CEP85: variants seen among roughly 807,000 people sequenced by gnomAD.
CEP85 encodes the protein centrosomal protein 85.
Under a neutral mutation model 93.7 loss-of-function variants are expected in CEP85, and 58 were observed. The ratio of observed to expected loss-of-function variants is 0.62; its 90% CI spans 0.50 to 0.77. The LOEUF is 0.77. CEP85 is among the 30% of genes least tolerant of loss of function. The probability of loss-of-function intolerance (pLI) is 0.00; values close to 1 mark genes in which losing one functional copy is unlikely to be tolerated. For missense variants in CEP85, 868 were observed against 922.0 expected, an observed-to-expected ratio of 0.94 and a Z score of 0.76; for synonymous variants, 314 against 338.6, an observed-to-expected ratio of 0.93 and a Z score of 0.80.
rs71581048 is a variant in CEP85 at position 26,250,925 on chromosome 1, C to CTTTTTTTTTT, written c.209-4240_209-4239insTTTTTTTTTT. On this transcript the variant is annotated intron_variant, in intron 3 of 13. Transcript: ENST00000451429. ...TGAGCCAAGCTTGCCTTTTTTTTTT[C>CTTTTTTTTTT]TTTTTTCTTTTTTTTTTTTTTTTTT... 6.1e-3 allele frequency among the ~76,000 whole-genome samples: 336 copies of CTTTTTTTTTT among 55,058 alleles called. 34 individuals are homozygous for CTTTTTTTTTT. The highest frequency in any genetic ancestry group is 0.033 in the East Asian group (56 of 1,708). 36.1% of individuals were successfully genotyped at this position (55,058 alleles called of 152,430 possible).
intron 11 of CEP85, 36 bp downstream of exon 11, chr1:26,272,107 TTAA>T (rs994039063): frequency 1.3e-6 from 2 of 1,594,850 alleles, no homozygotes; most frequent in Non-Finnish European, 1.7e-6. Context: ...TGGGCAGAAC[TTAA>T]TGATGGAATC....
chr1:26,238,763 A>G (rs1346815501), intron 1 of CEP85, among the ~76,000 whole-genome samples: 2 of 152,242 alleles, frequency 1.3e-5, no homozygotes, highest in Admixed American at 6.5e-5. Context: ...TAATAAATTG[A>G]TAACTTAATG....
At chr1:26,260,671 A>G (rs1478931622) in intron 7 of CEP85, among the ~76,000 whole-genome samples, 1 of 152,190 alleles carries the variant, frequency 6.6e-6, no homozygotes, top group Non-Finnish European at 1.5e-5. Context: ...TTAAAGTTCT[A>G]GACCACTTAA....
At chr1:26,268,148 C>A (rs1295388494) in intron 7 of CEP85, among the ~76,000 whole-genome samples, 2 of 152,194 alleles carry the variant, frequency 1.3e-5, no homozygotes, top group African/African-American at 4.8e-5. Flanking sequence ...TTCACAGCCT[C>A]AAGGGTTGCT....
intron 5 of CEP85, 140 bp downstream of exon 5, chr1:26,257,870 A>C (rs1315738186): frequency 1.1e-6 from 1 of 944,904 alleles, no homozygotes; most frequent in South Asian, 1.6e-5. Context: ...TAGTTTGATA[A>C]GCAGCCTAGT....
intron 11 of CEP85, among the ~76,000 whole-genome samples, chr1:26,273,543 G>A (rs2090008564): frequency 1.3e-5 from 2 of 152,260 alleles, no homozygotes; most frequent in South Asian, 4.1e-4. Flanking sequence ...GCAAAGTTTG[G>A]AAAAGCCTGA....
intron 8 of CEP85, 34 bp from the exon 9 acceptor site, chr1:26,269,426 T>C (rs1480815171): frequency 6.2e-7 from 1 of 1,605,882 alleles, no homozygotes; most frequent in Non-Finnish European, 8.5e-7. Flanking sequence ...AACACTTGGC[T>C]TATTTGACCT....
intron 3 of CEP85, among the ~76,000 whole-genome samples, chr1:26,245,010 T>C (rs2089487774): frequency 6.6e-6 from 1 of 152,162 alleles, no homozygotes. Context: ...TATTTCCTGC[T>C]GTCACCAAGT....
At chr1:26,270,556 G>T (rs897320251) in intron 9 of CEP85, among the ~76,000 whole-genome samples, 1 of 152,152 alleles carries the variant, frequency 6.6e-6, no homozygotes, top group Non-Finnish European at 1.5e-5. Context: ...CAGCAGATGG[G>T]CTTTGCTATA....
chr1:26,241,051 G>A (rs1208459257), intron 2 of CEP85, among the ~76,000 whole-genome samples: 1 of 152,016 alleles, frequency 6.6e-6, no homozygotes, highest in Non-Finnish European at 1.5e-5. Context: ...GTTGAATTCT[G>A]GGGTATTGGT....
At chr1:26,260,935 C>T (rs565949115) in intron 7 of CEP85, among the ~76,000 whole-genome samples, 3 of 151,788 alleles carry the variant, frequency 2.0e-5, no homozygotes, top group South Asian at 2.1e-4. Context: ...GGATTACAGG[C>T]GCCTGCTACC....
intron 7 of CEP85, among the ~76,000 whole-genome samples, chr1:26,261,190 A>G (rs1283320147): frequency 6.6e-6 from 1 of 151,676 alleles, no homozygotes; most frequent in Non-Finnish European, 1.5e-5. Context: ...AAGTTGAGTT[A>G]GGCTGGGCGC....
intron 1 of CEP85, among the ~76,000 whole-genome samples, chr1:26,238,746 A>G (rs904261215): frequency 2.6e-5 from 4 of 152,224 alleles, no homozygotes; most frequent in Admixed American, 2.6e-4. Flanking sequence ...GCCCAAGGTT[A>G]CACAGCTAAT....
Position 26,277,918 on chromosome 1 carries a change from ACCATG to A in CEP85, c.*630_*634del, listed in dbSNP as rs1309192774. ...TTATAGCCAGGACTCTAATCTGCCT[ACCATG>A]CCATTTAACAAGAGATCCCACTCTC... On this transcript the variant is annotated 3_prime_UTR_variant, in exon 14 of 14. Coordinates refer to ENST00000451429, the MANE Select transcript of CEP85 (RefSeq NM_001319944.2). 1 of 152,712 alleles carries A rather than the reference ACCATG, an allele frequency of 6.5e-6. No homozygotes were observed. The highest frequency in any genetic ancestry group is 2.4e-5 in the African/African-American group (1 of 41,392). 9.5% of individuals were successfully genotyped at this position (152,712 alleles called of 1,614,324 possible).
At chr1:26,257,468 C>A in intron 4 of CEP85, 129 bp from the exon 5 acceptor site, 1 of 1,058,494 alleles carries the variant, frequency 9.4e-7, no homozygotes, top group South Asian at 1.8e-5. Context: ...AAAATTATTT[C>A]ATAAACATTG....
intron 6 of CEP85, among the ~76,000 whole-genome samples, chr1:26,259,275 TC>T (rs1435821617): frequency 6.6e-6 from 1 of 152,172 alleles, no homozygotes; most frequent in Non-Finnish European, 1.5e-5. Flanking sequence ...CTAGGTTCCT[TC>T]CAGTATACAA....
In CEP85 at chr1:26,276,541, G is replaced by C. The variant is rs778369604; in HGVS notation, c.1909G>C (p.Val637Leu). Residue 637 changes from valine (V) to leucine (L), a missense_variant, in exon 13 of 14, where the codon GTG (valine) becomes CTG (leucine). Physicochemically the swap from Val to Leu is conservative, Grantham distance 32. Coordinates refer to ENST00000451429, the MANE Select transcript of CEP85 (RefSeq NM_001319944.2). Reference protein sequence around the residue: ...QLRTAVKELSVQNQDLIEKNL... With the variant: ...QLRTAVKELSLQNQDLIEKNL... ...TACCCATCTGTCTGCTCAGCTTTCA[G>C]TGCAAAACCAGGACTTGATTGAGAA... 1 of 1,614,104 alleles carries C rather than the reference G, an allele frequency of 6.2e-7. No homozygotes were observed. Among genetic ancestry groups the C allele is most frequent in the Non-Finnish European group, 8.5e-7 (1 of 1,179,958 alleles).
At chr1:26,247,453 C>G (rs1364568505) in intron 3 of CEP85, among the ~76,000 whole-genome samples, 1 of 151,002 alleles carries the variant, frequency 6.6e-6, no homozygotes, top group African/African-American at 2.4e-5. Flanking sequence ...AAAAAAAAAG[C>G]CAGGGACAGT....
At position 26,255,485 on chromosome 1, in the gene CEP85, G is replaced by C. The variant is rs1363621812; in HGVS notation, c.523G>C (p.Glu175Gln). 5 of 1,614,004 alleles carry C rather than the reference G, an allele frequency of 3.1e-6. No individual in the cohort carries two copies. Among genetic ancestry groups the C allele is most frequent in the Non-Finnish European group, 4.2e-6 (5 of 1,180,036 alleles). The part of the protein sequence containing the change: ...FPAVGHERQE[E>Q]ARKFDIPSME... ...AGCAGTGGGCCATGAAAGACAAGAA[G>C]AGGCGAGGAAGTTTGATATTCCTAG... is the stretch of plus-strand genomic sequence containing the variant. The change falls in exon 4 of 14, where the codon GAG becomes CAG. Residue 175 changes from glutamate to glutamine, a missense_variant. Glu to Gln is a conservative substitution (Grantham distance 29, BLOSUM62 2). Coordinates refer to ENST00000451429, the MANE Select transcript of CEP85 (RefSeq NM_001319944.2).
Sources: gnomAD v4.1 joint callset for allele counts (sites outside exome capture counted in the v4.1 genomes callset) on GRCh38, gnomAD v4.1.1 for gene constraint, MANE v1.5 for transcripts, NCBI Gene and HGNC (gene_info 2026-07-23, HGNC 2026-07-21) for gene names.